ADAMTS3: variants seen among roughly 807,000 people sequenced by gnomAD.
ADAMTS3 encodes the protein A disintegrin and metalloproteinase with thrombospondin motifs 3.
ADAMTS3 carries 73 observed loss-of-function variants against 129.0 expected under a neutral mutation model. The observed-to-expected ratio is 0.57, with a 90% CI of 0.47 to 0.69. The LOEUF (loss-of-function observed/expected upper bound fraction) is 0.69. ADAMTS3 is among the 30% of genes least tolerant of loss of function. The pLI, the probability that ADAMTS3 is intolerant of heterozygous loss-of-function variation, is 0.00. For synonymous variants in ADAMTS3, 477 were observed against 510.8 expected (o/e 0.93, Z 0.89); for missense variants, 1,457 against 1,514.5 (o/e 0.96, Z 0.63).
At chr4:72,436,997 A>G (rs568058722) in intron 3 of ADAMTS3, among the ~76,000 whole-genome samples, 61 of 152,160 alleles carry the variant, frequency 4.0e-4, no homozygotes, top group African/African-American at 1.4e-3. Flanking sequence ...CTAGAACTTA[A>G]AATATAATAA....
At chr4:72,322,134 C>A (rs1219525549) in intron 6 of ADAMTS3, among the ~76,000 whole-genome samples, 2 of 152,052 alleles carry the variant, frequency 1.3e-5, no homozygotes, top group African/African-American at 4.8e-5. Flanking sequence ...CTTTAACAAC[C>A]AATTGGAGGC....
intron 3 of ADAMTS3, among the ~76,000 whole-genome samples, chr4:72,518,775 T>C (rs545523900): frequency 8.0e-5 from 12 of 150,460 alleles, no homozygotes; most frequent in African/African-American, 2.9e-4. Context: ...CACTGATGGG[T>C]CTTGACTCTT....
At position 72,309,433 on chromosome 4, in the gene ADAMTS3, C is replaced by A. The variant is rs552175669; in HGVS notation, c.2143G>T (p.Val715Leu). ...CGGDNSHCRTVKGTFTRTPRK... is the reference protein window; with the variant it reads ...CGGDNSHCRTLKGTFTRTPRK... ...GGAGTTCTGGTAAATGTCCCCTTCA[C>A]GGTTCGGCAGTGGGAATTATCTCCT... The change falls in exon 15 of 22, where the codon GTG becomes TTG. Residue 715 changes from valine (V) to leucine (L), a missense_variant. Val to Leu is a conservative substitution (Grantham distance 32, BLOSUM62 1). Transcript: ENST00000286657. The A allele has an allele frequency of 3.1e-6, 5 of 1,612,042 alleles. No individual in the cohort carries two copies. Among genetic ancestry groups the A allele is most frequent in the Non-Finnish European group, 4.2e-6 (5 of 1,178,598 alleles).
chr4:72,567,546 C>G, intron 1 of ADAMTS3, 145 bp from the exon 2 acceptor site: 1 of 765,152 alleles, frequency 1.3e-6, no homozygotes, highest in Non-Finnish European at 2.1e-6. Context: ...AAAGCCTGCA[C>G]CTTGGTTTGT....
At chr4:72,371,463 A>G (rs1413662471) in intron 4 of ADAMTS3, among the ~76,000 whole-genome samples, 1 of 151,768 alleles carries the variant, frequency 6.6e-6, no homozygotes, top group Admixed American at 6.6e-5. Context: ...ATAAATAAAT[A>G]AATAAATAAA....
chr4:72,401,150 T>G (rs566584158), intron 4 of ADAMTS3, among the ~76,000 whole-genome samples: 1 of 151,904 alleles, frequency 6.6e-6, no homozygotes, highest in East Asian at 2.0e-4. Flanking sequence ...CAGCACTAAT[T>G]TAGAACACTT....
chr4:72,324,927 G>C (rs561891082), intron 5 of ADAMTS3, among the ~76,000 whole-genome samples: 1 of 152,074 alleles, frequency 6.6e-6, no homozygotes, highest in Non-Finnish European at 1.5e-5. Flanking sequence ...ATAAATCCTG[G>C]TTCAACCCCT....
intron 6 of ADAMTS3, among the ~76,000 whole-genome samples, chr4:72,322,107 A>G (rs1025682976): frequency 2.0e-5 from 3 of 152,216 alleles, no homozygotes; most frequent in African/African-American, 7.2e-5. Context: ...CGGATCACAT[A>G]CTTTTCCAAA....
intron 6 of ADAMTS3, among the ~76,000 whole-genome samples, chr4:72,321,279 C>A (rs1310918016): frequency 2.0e-5 from 3 of 152,122 alleles, no homozygotes; most frequent in Non-Finnish European, 2.9e-5. Context: ...TCAAGCAATT[C>A]TCATGCCTCA....
chr4:72,384,455 G>A (rs1036416063), intron 4 of ADAMTS3, among the ~76,000 whole-genome samples: 8 of 152,076 alleles, frequency 5.3e-5, no homozygotes, highest in Admixed American at 1.3e-4. Context: ...ATAATGTTAC[G>A]AGTTATCCTT....
intron 3 of ADAMTS3, among the ~76,000 whole-genome samples, chr4:72,541,415 G>A (rs1363190300): frequency 6.6e-6 from 1 of 152,234 alleles, no homozygotes; most frequent in African/African-American, 2.4e-5. Flanking sequence ...TCTCAGATGA[G>A]ACTTTGGACT....
At chr4:72,392,965 G>A (rs886799404) in intron 4 of ADAMTS3, among the ~76,000 whole-genome samples, 12 of 141,616 alleles carry the variant, frequency 8.5e-5, no homozygotes, top group East Asian at 8.2e-4. Context: ...TCACCCTGTC[G>A]CCCAGGCTGG....
intron 3 of ADAMTS3, among the ~76,000 whole-genome samples, chr4:72,418,786 C>T (rs997588484): frequency 6.6e-6 from 1 of 152,220 alleles, no homozygotes; most frequent in Non-Finnish European, 1.5e-5. Context: ...TTGCTTAAAA[C>T]ACTTTAATTG....
chr4:72,413,016 C>T (rs973669959), intron 4 of ADAMTS3, among the ~76,000 whole-genome samples: 2 of 151,882 alleles, frequency 1.3e-5, no homozygotes, highest in African/African-American at 4.8e-5. Flanking sequence ...TGTTAATTTC[C>T]CTATTCTATC....
intron 4 of ADAMTS3, among the ~76,000 whole-genome samples, chr4:72,342,294 A>G (rs1720157182): frequency 6.6e-6 from 1 of 152,074 alleles, no homozygotes; most frequent in East Asian, 1.9e-4. Context: ...TTTAAGACAC[A>G]GGCATAATAA....
chr4:72,427,926 C>T (rs754425979), intron 3 of ADAMTS3, among the ~76,000 whole-genome samples: 14 of 151,834 alleles, frequency 9.2e-5, no homozygotes, highest in Non-Finnish European at 1.5e-4. Flanking sequence ...AAAATGTTAA[C>T]GTACAGAAAA....
intron 3 of ADAMTS3, among the ~76,000 whole-genome samples, chr4:72,513,859 G>C (rs933956047): frequency 3.9e-5 from 6 of 151,998 alleles, no homozygotes; most frequent in African/African-American, 1.2e-4. Context: ...TCTTTTTAGA[G>C]TCCCCAGTGT....
At chr4:72,489,497 T>A (rs1719682686) in intron 3 of ADAMTS3, among the ~76,000 whole-genome samples, 1 of 151,982 alleles carries the variant, frequency 6.6e-6, no homozygotes, top group Non-Finnish European at 1.5e-5. Flanking sequence ...ACTACCCACT[T>A]GTTAATCATC....
At chr4:72,407,854 C>T (rs532432366) in intron 4 of ADAMTS3, among the ~76,000 whole-genome samples, 2 of 97,878 alleles carry the variant, frequency 2.0e-5, no homozygotes, top group South Asian at 1.0e-3. Context: ...GCTGAAAGTA[C>T]AGGAATATGC....
Sources: allele counts gnomAD v4.1 joint callset (sites outside exome capture counted in the v4.1 genomes callset), GRCh38; gene constraint gnomAD v4.1.1; transcripts MANE v1.5; gene names NCBI Gene and HGNC (gene_info 2026-07-23, HGNC 2026-07-21).